DGKG: variants seen among roughly 807,000 people sequenced by gnomAD.
DGKG encodes diacylglycerol kinase gamma, also known as DAG kinase gamma.
Under a neutral mutation model 105.3 loss-of-function variants are expected in DGKG, and 78 were observed. The ratio of observed to expected loss-of-function variants is 0.74; its 90% CI spans 0.62 to 0.89. DGKG has a LOEUF of 0.89. Ranked by LOEUF, DGKG falls within the 40% of genes least tolerant of loss-of-function variation. DGKG has a pLI of 0.00. For missense variants in DGKG, 958 were observed against 1,020.1 expected (o/e 0.94, Z 0.83); for synonymous variants, 346 against 367.1 (o/e 0.94, Z 0.66).
Position 186,306,946 on chromosome 3 carries a change from A to T in DGKG, c.99T>A (p.Thr33=), listed in dbSNP as rs1389074335. The change falls in exon 3 of 25, where the codon ACT becomes ACA. Residue 33 remains threonine (T), a synonymous_variant. Coordinates refer to ENST00000265022, the MANE Select transcript of DGKG (RefSeq NM_001346.3). The stretch of plus-strand genomic sequence containing the variant: ...TGAGGCTCCCACCCTCATTAAATTC[A>T]GTCAAGGCATCTTTTATCTTCTTGG... ...YSSKKIKDAL[T]EFNEGGSLKQ... is the part of the protein sequence containing the mutation. The T allele has an allele frequency of 6.2e-7, 1 of 1,613,048 alleles. No homozygotes were observed. Among genetic ancestry groups the T allele is most frequent in the African/African-American group, 1.3e-5 (1 of 75,022 alleles).
chr3:186,210,569 A>G lies in DGKG; in HGVS notation c.1917+1226T>C. On this transcript the variant is annotated intron_variant, in intron 21 of 24. Transcript: ENST00000265022. This position sits in a 1 kb window ranked among gnomAD's most constrained non-coding sequence, Gnocchi z 5.2. ...GAGGAGAGGCAGGCAGATGAGTCAA[A>G]TGCAGCCGCACAGAACCTCTGGCTT... The G allele has an allele frequency of 2.2e-6, 1 of 453,760 alleles. No individual in the cohort carries two copies. Among genetic ancestry groups the G allele is most frequent in the Admixed American group, 2.4e-5 (1 of 42,544 alleles). 28.1% of individuals were successfully genotyped at this position (453,760 alleles called of 1,614,324 possible).
intron 3 of DGKG, among the ~76,000 whole-genome samples, chr3:186,300,023 G>A (rs548394263): frequency 2.4e-4 from 37 of 151,892 alleles, no homozygotes; most frequent in African/African-American, 8.4e-4. Context: ...TTTTAGCAGA[G>A]ATGGGGTTTC....
At chr3:186,206,997 C>T (rs949298690) in intron 21 of DGKG, among the ~76,000 whole-genome samples, 5 of 152,116 alleles carry the variant, frequency 3.3e-5, no homozygotes, top group African/African-American at 1.2e-4. Context: ...GATCTGCTCA[C>T]CTCAGCCTCC....
At chr3:186,250,560 T>TTTTTTTTTTTTG (rs1393501055) in intron 19 of DGKG, among the ~76,000 whole-genome samples, 1 of 141,094 alleles carries the variant, frequency 7.1e-6, no homozygotes, top group Non-Finnish European at 1.6e-5. Context: ...TGTCATTCTT[T>TTTTTTTTTTTTG]TTTTTTTGAG....
rs908084013 is a variant in DGKG at position 186,320,452 on chromosome 3, T to C, written c.8A>G (p.Glu3Gly). Residue 3 changes from glutamate (E) to glycine (G), a missense_variant, in exon 2 of 25, where the codon GAA (glutamate) becomes GGA (glycine). By Grantham distance (98) the Glu-to-Gly change is moderately conservative (BLOSUM62 -2). Around this residue, in one of 2 missense-constraint regions of DGKG, gnomAD observed 643 missense variants for 619.5 expected, o/e 1.04. Transcript: ENST00000265022. ...TGGAGTGAGGGAGACCCACCGTTCT[T>C]CACCCATTTTTAAACTTTATGTGAG... is the stretch of plus-strand genomic sequence containing the variant. MG[E>G]ERWVSLTPEE... 1 of 1,614,080 alleles carries C rather than the reference T, an allele frequency of 6.2e-7. No individual in the cohort carries two copies. The highest frequency in any genetic ancestry group is 1.3e-5 in the African/African-American group (1 of 74,928).
intron 2 of DGKG, among the ~76,000 whole-genome samples, chr3:186,316,782 TC>T (rs1435004973): frequency 6.6e-6 from 1 of 152,234 alleles, no homozygotes; most frequent in Non-Finnish European, 1.5e-5. Context: ...TGGAGAAAGT[TC>T]TCAATTCTCA....
intron 20 of DGKG, among the ~76,000 whole-genome samples, chr3:186,235,520 C>A (rs184251765): frequency 4.3e-4 from 65 of 152,304 alleles, no homozygotes; most frequent in Middle Eastern, 6.8e-3. Context: ...GAGAAAGTCA[C>A]ACATCTGGGT....
intron 16 of DGKG, 74 bp downstream of exon 16, chr3:186,260,365 G>T: frequency 9.2e-7 from 1 of 1,081,458 alleles, no homozygotes; most frequent in Non-Finnish European, 1.4e-6. Context: ...AAAAAAAGGT[G>T]ACAAAAGAGG....
At chr3:186,283,842 T>TTAGA (rs1161102849) in intron 7 of DGKG, among the ~76,000 whole-genome samples, 13 of 152,172 alleles carry the variant, frequency 8.5e-5, no homozygotes, top group African/African-American at 2.9e-4. Context: ...TAGAGGGAAT[T>TTAGA]GGGATGATTC....
intron 2 of DGKG, among the ~76,000 whole-genome samples, chr3:186,313,983 A>G (rs1330423115): frequency 6.6e-6 from 1 of 152,176 alleles, no homozygotes; most frequent in East Asian, 1.9e-4. Flanking sequence ...TCTACATATC[A>G]GCCCTAAATA....
intron 1 of DGKG, among the ~76,000 whole-genome samples, chr3:186,324,829 C>G (rs1207993048): frequency 2.0e-5 from 3 of 152,244 alleles, no homozygotes; most frequent in Non-Finnish European, 4.4e-5. Flanking sequence ...GCAGCAATCC[C>G]ATTACTGGGT....
In DGKG at chr3:186,284,624, T is replaced by G. The variant is rs1323123796; in HGVS notation, c.594+36A>C. 1 of 1,584,768 alleles carries G rather than the reference T, an allele frequency of 6.3e-7. No individual in the cohort carries two copies. Among genetic ancestry groups the G allele is most frequent in the African/African-American group, 1.3e-5 (1 of 74,246 alleles). Reference sequence around the variant, plus strand: ...TTGCTCCCTGCTCCCCCAGCCTTTCTCAGGTCCATGAGGGATATTTAGAGT... The same window carrying G: ...TTGCTCCCTGCTCCCCCAGCCTTTCGCAGGTCCATGAGGGATATTTAGAGT... On this transcript the variant is annotated intron_variant, in intron 7 of 24. Coordinates refer to ENST00000265022, the MANE Select transcript of DGKG (RefSeq NM_001346.3). The surrounding 1 kb of genome is among the most constrained non-coding windows in gnomAD (Gnocchi z 4.0).
At chr3:186,283,733 A>G (rs879894462) in intron 7 of DGKG, among the ~76,000 whole-genome samples, 5 of 152,136 alleles carry the variant, frequency 3.3e-5, no homozygotes, top group Non-Finnish European at 1.5e-5. Flanking sequence ...TGTTGACCAA[A>G]TGCTTGAGAA....
chr3:186,244,955 C>T (rs9841991), intron 19 of DGKG, among the ~76,000 whole-genome samples: 3,001 of 152,118 alleles, frequency 0.02, 38 homozygotes, highest in Middle Eastern at 0.034. Flanking sequence ...CTCTAAAATT[C>T]GAGAAAATAT....
chr3:186,206,505 C>T (rs148031292), intron 21 of DGKG, among the ~76,000 whole-genome samples: 66 of 152,272 alleles, frequency 4.3e-4, no homozygotes, highest in African/African-American at 1.5e-3. Context: ...GTCTGGTTTG[C>T]TCTACCTATG....
intron 22 of DGKG, among the ~76,000 whole-genome samples, chr3:186,187,472 A>G (rs1197540053): frequency 6.6e-6 from 1 of 152,096 alleles, no homozygotes; most frequent in Non-Finnish European, 1.5e-5. Flanking sequence ...CTGTGAGTGG[A>G]GAAGGTTTGG....
chr3:186,171,391 G>A (rs1187776133), intron 22 of DGKG, among the ~76,000 whole-genome samples: 3 of 152,210 alleles, frequency 2.0e-5, no homozygotes, highest in Non-Finnish European at 4.4e-5. Flanking sequence ...GTTGTCTGCA[G>A]TTATCAATGG....
rs564660152 is a variant in DGKG, at chr3:186,305,022, T to C, written c.144+1879A>G. 3.3e-5 allele frequency among the ~76,000 whole-genome samples: 5 copies of C among 152,340 alleles called. No homozygotes were observed. In the South Asian group the frequency reaches 6.2e-4, roughly 19 times the overall value. ...TTGAATTTGAAAGTAGGGGGAGATC[T>C]TGCATTCATTTATTCAGTCCACAAA... On this transcript the variant is annotated intron_variant, in intron 3 of 24. Transcript: ENST00000265022.
chr3:186,314,749 G>A (rs1310881796), intron 2 of DGKG, among the ~76,000 whole-genome samples: 3 of 118,088 alleles, frequency 2.5e-5, no homozygotes, highest in Admixed American at 9.7e-5. Flanking sequence ...GTAAGACTCC[G>A]TCTCAAAAAA....
Sources: allele counts gnomAD v4.1 joint callset (sites outside exome capture counted in the v4.1 genomes callset), GRCh38; gene constraint gnomAD v4.1.1; regional missense constraint gnomAD v4.1.1; non-coding constraint Gnocchi (gnomAD v3.1); transcripts MANE v1.5; gene names NCBI Gene and HGNC (gene_info 2026-07-23, HGNC 2026-07-21).